The following SLC4A4 variants were observed in gnomAD, a reference collection of about 807,000 sequenced individuals.
SLC4A4 encodes the protein solute carrier family 4 member 4.
Under a neutral mutation model 111.5 loss-of-function variants are expected in SLC4A4, and 27 were observed. The observed-to-expected ratio is 0.24, with a 90% confidence interval of 0.18 to 0.33. The LOEUF is 0.33. Among genes scored for constraint, SLC4A4 ranks in the 10% least tolerant of loss-of-function variants. The pLI is 1.00. For missense variants in SLC4A4, 909 were observed against 1,315.5 expected (o/e 0.69, Z 4.78); for synonymous variants, 443 against 463.4 (o/e 0.96, Z 0.57).
intron 2 of SLC4A4, among the ~76,000 whole-genome samples, chr4:71,093,540 C>A (rs10005279): frequency 0.092 from 13,946 of 152,070 alleles, 798 homozygotes; most frequent in African/African-American, 0.16. Context: ...ATAGAAAAAC[C>A]TTTTTGTTCT....
At chr4:71,391,800 C>A (rs957645977) in intron 6 of SLC4A4, among the ~76,000 whole-genome samples, 10 of 151,826 alleles carry the variant, frequency 6.6e-5, no homozygotes, top group Non-Finnish European at 2.9e-5. Context: ...CATTTTTACA[C>A]CCTGGATTTT....
At chr4:71,334,697 G>A (rs931587182) in intron 3 of SLC4A4, among the ~76,000 whole-genome samples, 2 of 152,164 alleles carry the variant, frequency 1.3e-5, no homozygotes, top group African/African-American at 2.4e-5. Flanking sequence ...CCTATGAAAG[G>A]GGTTAGGCAT....
intron 5 of SLC4A4, among the ~76,000 whole-genome samples, chr4:71,356,789 A>G (rs1359783241): frequency 1.3e-5 from 2 of 152,218 alleles, no homozygotes; most frequent in East Asian, 3.8e-4. Context: ...CTGGGCCTGA[A>G]AAAACATAAA....
At chr4:71,473,052 G>T in intron 14 of SLC4A4, 82 bp downstream of exon 14, 1 of 1,434,848 alleles carries the variant, frequency 7.0e-7, no homozygotes. Context: ...TTTTCAACAT[G>T]CTGTCATGGT....
chr4:71,338,821 C>T (rs553676746), intron 3 of SLC4A4, among the ~76,000 whole-genome samples: 23 of 150,244 alleles, frequency 1.5e-4, no homozygotes, highest in African/African-American at 5.6e-4. Context: ...AAGAAGAGGG[C>T]CCATCTTGTT....
At chr4:71,303,737 C>T (rs1037802018) in intron 3 of SLC4A4, among the ~76,000 whole-genome samples, 3 of 150,894 alleles carry the variant, frequency 2.0e-5, no homozygotes, top group Non-Finnish European at 4.4e-5. Context: ...TTCTTCCCTT[C>T]GTCTTCTTCT....
Position 71,472,875 on chromosome 4 carries a change from A to T in SLC4A4, c.1808A>T (p.Lys603Met), listed in dbSNP as rs1303596896. Residue 603 changes from lysine (K) to methionine (M), a missense_variant, in exon 14 of 26, where the codon AAG becomes ATG. By Grantham distance (95) the Lys-to-Met change is moderately conservative (BLOSUM62 -1). Coordinates refer to ENST00000264485, the MANE Select transcript of SLC4A4 (RefSeq NM_001098484.3). ...ATCTTTATCTATGATGCTTTCAAGAAGATGATCAAGCTTGCAGATTACTAC... is the reference window on the plus strand; with the variant it reads ...ATCTTTATCTATGATGCTTTCAAGATGATGATCAAGCTTGCAGATTACTAC... ...SFIFIYDAFK[K>M]MIKLADYYPI... The T allele has an allele frequency of 3.7e-6, 6 of 1,612,826 alleles. No individual in the cohort carries two copies. The highest frequency in any genetic ancestry group is 1.3e-5 in the African/African-American group (1 of 74,806).
chr4:71,452,740 C>T (rs193158238), intron 11 of SLC4A4, among the ~76,000 whole-genome samples: 1 of 152,252 alleles, frequency 6.6e-6, no homozygotes, highest in East Asian at 1.9e-4. Flanking sequence ...TGGGACTCAG[C>T]TGCATTTCCT....
intron 1 of SLC4A4, among the ~76,000 whole-genome samples, chr4:71,088,504 G>A (rs1445148486): frequency 6.6e-6 from 1 of 151,992 alleles, no homozygotes; most frequent in African/African-American, 2.4e-5. Flanking sequence ...TAGCCTTAAT[G>A]GTCTTTACAA....
At chr4:71,365,956 T>G (rs1482549684) in intron 6 of SLC4A4, among the ~76,000 whole-genome samples, 1 of 152,182 alleles carries the variant, frequency 6.6e-6, no homozygotes, top group Non-Finnish European at 1.5e-5. Flanking sequence ...TCATAATTTA[T>G]TTCCCACACA....
chr4:71,435,146 T>G (rs543525667), intron 7 of SLC4A4, among the ~76,000 whole-genome samples: 1 of 152,166 alleles, frequency 6.6e-6, no homozygotes, highest in Non-Finnish European at 1.5e-5. Flanking sequence ...TCACACTACC[T>G]GACTTCAAAC....
At chr4:71,374,926 C>G (rs1242775530) in intron 6 of SLC4A4, among the ~76,000 whole-genome samples, 1 of 152,158 alleles carries the variant, frequency 6.6e-6, no homozygotes, top group Admixed American at 6.5e-5. Flanking sequence ...CCTTCCTGAT[C>G]CTTACCATCT....
chr4:71,183,967 T>G (rs887091373), upstream of SLC4A4, among the ~76,000 whole-genome samples: 3 of 152,180 alleles, frequency 2.0e-5, no homozygotes, highest in Non-Finnish European at 4.4e-5. Flanking sequence ...AGGAGAAACA[T>G]CCAACAATAT....
chr4:71,130,374 C>T (rs1743670131), intron 2 of SLC4A4, among the ~76,000 whole-genome samples: 1 of 152,078 alleles, frequency 6.6e-6, no homozygotes, highest in South Asian at 2.1e-4. Flanking sequence ...GAACTACAGG[C>T]ATGTGCCTCC....
intron 21 of SLC4A4, among the ~76,000 whole-genome samples, chr4:71,557,196 G>A (rs1223337008): frequency 6.6e-6 from 1 of 151,882 alleles, no homozygotes; most frequent in Non-Finnish European, 1.5e-5. Flanking sequence ...TAAGTAATAT[G>A]GAATTTATGA....
chr4:71,179,801 C>A (rs1420381622), intron 2 of SLC4A4, among the ~76,000 whole-genome samples: 1 of 152,122 alleles, frequency 6.6e-6, no homozygotes, highest in Non-Finnish European at 1.5e-5. Context: ...GATTCAATGC[C>A]ATCCCCATCA....
intron 6 of SLC4A4, among the ~76,000 whole-genome samples, chr4:71,382,369 A>G (rs1434835873): frequency 1.3e-5 from 2 of 152,138 alleles, no homozygotes; most frequent in South Asian, 2.1e-4. Flanking sequence ...CCTTGTCATG[A>G]ACATTCTAAG....
At chr4:71,502,303 T>A (rs1195346926) in intron 16 of SLC4A4, among the ~76,000 whole-genome samples, 1 of 152,224 alleles carries the variant, frequency 6.6e-6, no homozygotes, top group East Asian at 1.9e-4. Context: ...TTTAGTTTTG[T>A]TAATTTTTTT....
At chr4:71,088,906 T>A (rs1049654856) in intron 1 of SLC4A4, among the ~76,000 whole-genome samples, 4 of 151,922 alleles carry the variant, frequency 2.6e-5, no homozygotes, top group African/African-American at 7.3e-5. Flanking sequence ...TCTTGAGGAG[T>A]ATCTTTGTGG....
Sources: allele counts gnomAD v4.1 joint callset (sites outside exome capture counted in the v4.1 genomes callset), GRCh38; gene constraint gnomAD v4.1.1; transcripts MANE v1.5; gene names NCBI Gene and HGNC (gene_info 2026-07-23, HGNC 2026-07-21).